The following ZNF106 variants were observed in gnomAD, a reference collection of about 807,000 sequenced individuals.
ZNF106 encodes the protein zinc finger protein 106, also known as SH3-domain binding protein 3.
A neutral mutation model predicts 195.1 loss-of-function variants in ZNF106; 67 were observed. That is an observed-to-expected ratio of 0.34 (90% CI 0.28 to 0.42). The LOEUF is 0.42. Among genes scored for constraint, ZNF106 ranks in the 10% least tolerant of loss-of-function variants. The probability of loss-of-function intolerance (pLI) is 1.00; values close to 1 mark genes in which losing one functional copy is unlikely to be tolerated. For missense variants in ZNF106, 2,118 were observed against 2,304.5 expected (o/e 0.92, Z 1.66); for synonymous variants, 784 against 818.6 (o/e 0.96, Z 0.72).
At chr15:42,424,427 TG>T (rs1184491213) in intron 16 of ZNF106, 3 of 277,948 alleles carry the variant, frequency 1.1e-5, no homozygotes, top group Non-Finnish European at 2.0e-5. Flanking sequence ...CTTTCCAAGG[TG>T]GTGCTTCTAA....
chr15:42,448,512 A>G lies in ZNF106; in HGVS notation c.2695T>C (p.Phe899Leu). Residue 899 changes from phenylalanine to leucine, a missense_variant, in exon 6 of 22, where the codon TTC (phenylalanine) becomes CTC (leucine). Coordinates refer to ENST00000564754, the MANE Select transcript of ZNF106 (RefSeq NM_001366845.3). ...IMDRAPSVYS[F>L]FSEEGTGKEN... is the part of the protein sequence containing the mutation. ...TTGCCTGTACCTTCCTCACTGAAGAAGCTATACACAGAAGGAGCTCTGTCC... is the reference window on the plus strand; with the variant it reads ...TTGCCTGTACCTTCCTCACTGAAGAGGCTATACACAGAAGGAGCTCTGTCC... The G allele has an allele frequency of 6.2e-7, 1 of 1,614,126 alleles. No individual in the cohort carries two copies. Among genetic ancestry groups the G allele is most frequent in the Non-Finnish European group, 8.5e-7 (1 of 1,180,016 alleles).
chr15:42,455,283 T>C (rs1258309329), intron 4 of ZNF106, among the ~76,000 whole-genome samples: 1 of 152,254 alleles, frequency 6.6e-6, no homozygotes, highest in African/African-American at 2.4e-5. Flanking sequence ...AATGGGATAT[T>C]ACGGGAATGG....
intron 16 of ZNF106, chr15:42,424,384 T>C: frequency 3.2e-6 from 1 of 309,620 alleles, no homozygotes; most frequent in Non-Finnish European, 6.0e-6. Context: ...TTGGTGATGT[T>C]GGTGTAAAGA....
At chr15:42,463,830 G>A (rs1048238169) in intron 3 of ZNF106, among the ~76,000 whole-genome samples, 2 of 151,882 alleles carry the variant, frequency 1.3e-5, no homozygotes, top group African/African-American at 2.4e-5. Flanking sequence ...AAATAATAAG[G>A]GCTCCCCATA....
chr15:42,444,168 A>G (rs1007339718), intron 9 of ZNF106, 34 bp downstream of exon 9: 11 of 1,436,790 alleles, frequency 7.7e-6, no homozygotes, highest in Non-Finnish European at 1.1e-5. Flanking sequence ...AACACGCTAT[A>G]GAGGGCCCAA....
chr15:42,422,527 T>C lies in ZNF106; in HGVS notation c.5347A>G (p.Lys1783Glu), dbSNP rs772249072. ...GKVMVTACLD[K>E]FVRVYELQSH... ...TGTAATTCATAGACACGAACAAATT[T>C]ATCCAGGCAAGCAGTCACCATCACT... Residue 1783 changes from lysine to glutamate, a missense_variant, in exon 18 of 22, where the codon AAA becomes GAA. Physicochemically the swap from Lys to Glu is moderately conservative, Grantham distance 56 (BLOSUM62 1). Coordinates refer to ENST00000564754, the MANE Select transcript of ZNF106 (RefSeq NM_001366845.3). The C allele has an allele frequency of 7.4e-6, 12 of 1,613,284 alleles. No individual in the cohort carries two copies. The highest frequency in any genetic ancestry group is 1.0e-5 in the Non-Finnish European group (12 of 1,179,896).
At position 42,435,299 on chromosome 15, in the gene ZNF106, C is replaced by T. The variant is rs192043217; in HGVS notation, c.4881+85G>A. 1.4e-4 allele frequency: 218 copies of T among 1,551,336 alleles called. 1 individual carries two copies. The African/African-American group carries it at 2.5e-3, about 18-fold the overall frequency. Reference sequence around the variant, plus strand: ...AAAGGAGATGGTGGGTAGAATGAAGCGTCTGCCACAGTGTCTCCACTCCAC... The same window carrying T: ...AAAGGAGATGGTGGGTAGAATGAAGTGTCTGCCACAGTGTCTCCACTCCAC... On this transcript the variant is annotated intron_variant, in intron 14 of 21. Coordinates refer to ENST00000564754, the MANE Select transcript of ZNF106 (RefSeq NM_001366845.3).
chr15:42,437,891 C>T (rs116192959), intron 12 of ZNF106, among the ~76,000 whole-genome samples: 2,126 of 142,470 alleles, frequency 0.015, 54 homozygotes, highest in African/African-American at 0.053. Context: ...TGGGCGACAA[C>T]GACTCCGTCT....
chr15:42,440,334 T>C (rs2055451761), intron 10 of ZNF106, among the ~76,000 whole-genome samples: 1 of 152,186 alleles, frequency 6.6e-6, no homozygotes, highest in African/African-American at 2.4e-5. Flanking sequence ...ACATATACAA[T>C]GCAGTGTTAC....
chr15:42,424,919 T>C lies in ZNF106; in HGVS notation c.5105A>G (p.Asp1702Gly), dbSNP rs775115302. ...GGCATCGCGTACACTAATTGTGCAG[T>C]CATAAGACCCCACGACCAGCAGTTT... Reference protein sequence around the residue: ...ARKLLVVGSYDCTISVRDARN... With the variant: ...ARKLLVVGSYGCTISVRDARN... The change falls in exon 16 of 22, where the codon GAC becomes GGC. Residue 1702 changes from aspartate (D) to glycine (G), a missense_variant. Coordinates refer to ENST00000564754, the MANE Select transcript of ZNF106 (RefSeq NM_001366845.3). 1.9e-6 allele frequency: 3 copies of C among 1,614,062 alleles called. No homozygotes were observed. In the Admixed American group the frequency reaches 5.0e-5, roughly 27 times the overall value.
intron 12 of ZNF106, among the ~76,000 whole-genome samples, chr15:42,438,308 T>C (rs1595452377): frequency 6.6e-6 from 1 of 152,150 alleles, no homozygotes; most frequent in East Asian, 1.9e-4. Context: ...GGAGAACTGC[T>C]TGAACCTGGG....
intron 1 of ZNF106, among the ~76,000 whole-genome samples, chr15:42,475,481 T>C (rs2056766910): frequency 6.6e-6 from 1 of 152,108 alleles, no homozygotes; most frequent in Admixed American, 6.6e-5. Flanking sequence ...AACACTAAAG[T>C]AAGATTATCG....
chr15:42,478,635 C>A (rs2056836601), intron 1 of ZNF106, among the ~76,000 whole-genome samples: 2 of 151,726 alleles, frequency 1.3e-5, no homozygotes, highest in Non-Finnish European at 1.5e-5. Flanking sequence ...CCTGCCTCAG[C>A]CTCCCGAGTA....
chr15:42,448,800 G>A, intron 5 of ZNF106, 95 bp from the exon 6 acceptor site: 1 of 1,310,918 alleles, frequency 7.6e-7, no homozygotes, highest in Non-Finnish European at 1.0e-6. Flanking sequence ...AAGCACTGAG[G>A]TTATAAAAAG....
chr15:42,472,151 C>T, intron 2 of ZNF106, 85 bp downstream of exon 2: 1 of 1,238,384 alleles, frequency 8.1e-7, no homozygotes, highest in African/African-American at 1.5e-5. Flanking sequence ...TAACATATGT[C>T]TATTAATATT....
At position 42,448,467 on chromosome 15, in the gene ZNF106, T is replaced by C. The variant is rs764456473; in HGVS notation, c.2740A>G (p.Met914Val). The C allele has an allele frequency of 6.2e-7, 1 of 1,614,176 alleles. No individual in the cohort carries two copies. Among genetic ancestry groups the C allele is most frequent in the South Asian group, 1.1e-5 (1 of 91,088 alleles). Residue 914 changes from methionine (M) to valine (V), a missense_variant, in exon 6 of 22, where the codon ATG becomes GTG. Met to Val is a conservative substitution (Grantham distance 21). Coordinates refer to ENST00000564754, the MANE Select transcript of ZNF106 (RefSeq NM_001366845.3). ...GTGKENEPQQ[M>V]VSPSNSLRAG... ...CTCAATGAGTTACTAGGTGAAACCA[T>C]CTGCTGGGGCTCATTTTCTTTGCCT... is the stretch of plus-strand genomic sequence containing the variant.
At chr15:42,489,365 C>T (rs2057089069) in intron 1 of ZNF106, among the ~76,000 whole-genome samples, 2 of 152,038 alleles carry the variant, frequency 1.3e-5, no homozygotes, top group South Asian at 2.1e-4. Flanking sequence ...CTAGTAGAGA[C>T]GGTGTTTCTC....
intron 1 of ZNF106, among the ~76,000 whole-genome samples, chr15:42,485,518 C>T (rs2056992541): frequency 6.6e-6 from 1 of 152,114 alleles, no homozygotes; most frequent in Non-Finnish European, 1.5e-5. Flanking sequence ...CTCCCACACC[C>T]CGAAGTAAGT....
intron 3 of ZNF106, chr15:42,457,501 T>C: frequency 2.6e-6 from 3 of 1,162,360 alleles, no homozygotes; most frequent in Non-Finnish European, 3.2e-6. Context: ...CAGAAGTTGC[T>C]CTGGAGCACA....
Sources: gnomAD v4.1 joint callset for allele counts (sites outside exome capture counted in the v4.1 genomes callset) on GRCh38, gnomAD v4.1.1 for gene constraint, MANE v1.5 for transcripts, NCBI Gene and HGNC (gene_info 2026-07-23, HGNC 2026-07-21) for gene names.